The following GALNT17 variants were observed in gnomAD, a reference collection of about 807,000 sequenced individuals.
GALNT17 encodes the protein polypeptide N-acetylgalactosaminyltransferase 17, also known as UDP-GalNAc:polypeptide N-acetylgalactosaminyltransferase-like 3.
In GALNT17, 29 loss-of-function variants were observed where a neutral mutation model predicts 63.7. That is an observed-to-expected ratio of 0.46 (90% CI 0.34 to 0.62). The LOEUF is 0.62. GALNT17 is among the 20% of genes least tolerant of loss of function. GALNT17 has a pLI of 0.01. For missense variants in GALNT17, 603 were observed against 799.6 expected, an observed-to-expected ratio of 0.75 and a Z score of 2.97; for synonymous variants, 305 against 318.3, an observed-to-expected ratio of 0.96 and a Z score of 0.45.
At chr7:71,552,856 T>G (rs1439058658) in intron 5 of GALNT17, among the ~76,000 whole-genome samples, 1 of 152,160 alleles carries the variant, frequency 6.6e-6, no homozygotes, top group Non-Finnish European at 1.5e-5. Flanking sequence ...TTTCTGGCCT[T>G]TTGAGGTGGC....
At chr7:71,313,096 C>T (rs915137894) in intron 1 of GALNT17, among the ~76,000 whole-genome samples, 7 of 152,092 alleles carry the variant, frequency 4.6e-5, no homozygotes, top group Non-Finnish European at 7.4e-5. Context: ...GGCAACAGAG[C>T]GAGACCCCGT....
intron 1 of GALNT17, among the ~76,000 whole-genome samples, chr7:71,210,596 A>G (rs1222917677): frequency 6.6e-6 from 1 of 152,228 alleles, no homozygotes; most frequent in Non-Finnish European, 1.5e-5. Flanking sequence ...ACTCTCTTAG[A>G]TACACCATAT....
chr7:71,380,565 C>G (rs1179618928), intron 2 of GALNT17, among the ~76,000 whole-genome samples: 1 of 152,068 alleles, frequency 6.6e-6, no homozygotes, highest in Admixed American at 6.5e-5. Context: ...CAACAATCCT[C>G]CTGCTTCAGC....
intron 6 of GALNT17, among the ~76,000 whole-genome samples, chr7:71,574,112 A>G (rs1789496528): frequency 6.6e-6 from 1 of 152,220 alleles, no homozygotes; most frequent in African/African-American, 2.4e-5. Flanking sequence ...ATAGTGCTGC[A>G]ATGAACATAC....
At chr7:71,377,617 T>C (rs1197381540) in intron 2 of GALNT17, among the ~76,000 whole-genome samples, 1 of 152,178 alleles carries the variant, frequency 6.6e-6, no homozygotes, top group Non-Finnish European at 1.5e-5. Flanking sequence ...TCCTTGTCCA[T>C]GCACCCACAA....
At chr7:71,435,066 C>A (rs1447742445) in intron 5 of GALNT17, among the ~76,000 whole-genome samples, 2 of 152,100 alleles carry the variant, frequency 1.3e-5, no homozygotes, top group Non-Finnish European at 2.9e-5. Context: ...GTGGGTCATG[C>A]CTATAATCCC....
chr7:71,523,231 C>G (rs950953667), intron 5 of GALNT17, among the ~76,000 whole-genome samples: 46 of 152,124 alleles, frequency 3.0e-4, no homozygotes, highest in Admixed American at 7.2e-4. Context: ...TTGAGACCAG[C>G]CTGGGCAACA....
At chr7:71,636,262 G>A (rs2116998744) in intron 6 of GALNT17, among the ~76,000 whole-genome samples, 1 of 152,306 alleles carries the variant, frequency 6.6e-6, no homozygotes, top group South Asian at 2.1e-4. Flanking sequence ...TGCTGCAGAA[G>A]AGATGTGGCT....
At chr7:71,392,833 A>G (rs1367989730) in intron 3 of GALNT17, among the ~76,000 whole-genome samples, 1 of 109,370 alleles carries the variant, frequency 9.1e-6, no homozygotes, top group Non-Finnish European at 2.4e-5. Flanking sequence ...TCCCCGGGCC[A>G]GAAATCTCTT....
rs139662027 is a variant in GALNT17 at position 71,145,019 on chromosome 7, T to C, written c.238+11979T>C. ...CTGGGAATACAGGTGTGAGCCACTG[T>C]GCCCATCTTGGGCTGGGGTTTTTAA... On this transcript the variant is annotated intron_variant, in intron 1 of 10. Coordinates refer to ENST00000333538, the MANE Select transcript of GALNT17 (RefSeq NM_022479.3). Among the ~76,000 whole-genome samples the C allele has an allele frequency of 5.3e-3, 813 of 152,182 alleles. 7 individuals are homozygous for C. The highest frequency in any genetic ancestry group is 0.018 in the African/African-American group (761 of 41,536).
chr7:71,173,483 A>G (rs1182888501), intron 1 of GALNT17, among the ~76,000 whole-genome samples: 3 of 152,176 alleles, frequency 2.0e-5, no homozygotes, highest in Non-Finnish European at 4.4e-5. Flanking sequence ...ATTAAAAGCA[A>G]GCCACTCAAT....
chr7:71,624,212 A>T (rs562193108), intron 6 of GALNT17, among the ~76,000 whole-genome samples: 1 of 152,206 alleles, frequency 6.6e-6, no homozygotes, highest in Non-Finnish European at 1.5e-5. Flanking sequence ...AGATGAATGG[A>T]GTGAACATTG....
intron 5 of GALNT17, among the ~76,000 whole-genome samples, chr7:71,490,141 C>T (rs1394920887): frequency 6.6e-6 from 1 of 151,980 alleles, no homozygotes; most frequent in Non-Finnish European, 1.5e-5. Flanking sequence ...ACCTGTAATC[C>T]CAGCTACTCG....
At chr7:71,628,953 A>G (rs1019739131) in intron 6 of GALNT17, among the ~76,000 whole-genome samples, 1 of 152,138 alleles carries the variant, frequency 6.6e-6, no homozygotes, top group African/African-American at 2.4e-5. Flanking sequence ...TAAAATTTAA[A>G]AAAAAGCTTA....
intron 6 of GALNT17, among the ~76,000 whole-genome samples, chr7:71,581,871 A>C (rs1269727603): frequency 1.3e-5 from 2 of 152,160 alleles, no homozygotes; most frequent in Non-Finnish European, 2.9e-5. Context: ...ACTCTGGCCA[A>C]GAGTGGGATT....
At chr7:71,158,160 ATATCCTAT>A (rs2116239704) in intron 1 of GALNT17, among the ~76,000 whole-genome samples, 1 of 150,638 alleles carries the variant, frequency 6.6e-6, no homozygotes, top group Non-Finnish European at 1.5e-5. Flanking sequence ...TGGAATTGCT[ATATCCTAT>A]GGTAGTTAGT....
intron 5 of GALNT17, among the ~76,000 whole-genome samples, chr7:71,443,980 G>A (rs1393233636): frequency 5.3e-5 from 8 of 152,270 alleles, no homozygotes; most frequent in Admixed American, 4.6e-4. Context: ...GCCCGCCTTG[G>A]CCTCCCAAAG....
intron 1 of GALNT17, among the ~76,000 whole-genome samples, chr7:71,210,437 G>A (rs539959783): frequency 2.2e-4 from 33 of 152,270 alleles, no homozygotes; most frequent in African/African-American, 7.5e-4. Context: ...ACTCCTGGCC[G>A]AGTGACAATT....
chr7:71,587,353 A>T (rs765337520), intron 6 of GALNT17, among the ~76,000 whole-genome samples: 3 of 152,076 alleles, frequency 2.0e-5, no homozygotes, highest in African/African-American at 4.8e-5. Context: ...GAAGGGGGGT[A>T]CTTCAGTATG....
Sources: gnomAD v4.1 joint callset for allele counts (sites outside exome capture counted in the v4.1 genomes callset) on GRCh38, gnomAD v4.1.1 for gene constraint, MANE v1.5 for transcripts, NCBI Gene and HGNC (gene_info 2026-07-23, HGNC 2026-07-21) for gene names.